SLC4A7: variants seen among roughly 807,000 people sequenced by gnomAD.
SLC4A7 encodes sodium bicarbonate cotransporter 3.
SLC4A7 carries 51 observed loss-of-function variants against 137.6 expected under a neutral mutation model. The ratio of observed to expected loss-of-function variants is 0.37; its 90% CI spans 0.30 to 0.47. SLC4A7 has a LOEUF of 0.47. Among genes scored for constraint, SLC4A7 ranks in the 20% least tolerant of loss-of-function variants. The probability of loss-of-function intolerance (pLI) is 1.00; values close to 1 mark genes in which losing one functional copy is unlikely to be tolerated. For missense variants in SLC4A7, 1,247 were observed against 1,525.4 expected (o/e 0.82, Z 3.04); for synonymous variants, 542 against 518.6 (o/e 1.05, Z -0.61).
intron 1 of SLC4A7, among the ~76,000 whole-genome samples, chr3:27,463,765 G>A (rs957786257): frequency 6.6e-6 from 1 of 152,124 alleles, no homozygotes; most frequent in Non-Finnish European, 1.5e-5. Flanking sequence ...TTCCGGGATA[G>A]TAACCTGGAA....
intron 9 of SLC4A7, 81 bp downstream of exon 9, chr3:27,421,541 A>G: frequency 9.5e-7 from 1 of 1,049,386 alleles, no homozygotes; most frequent in South Asian, 1.9e-5. Context: ...ACATAAATCA[A>G]CATGCTTGTT....
At chr3:27,430,026 G>A (rs1319139852) in intron 7 of SLC4A7, among the ~76,000 whole-genome samples, 7 of 151,788 alleles carry the variant, frequency 4.6e-5, no homozygotes, top group Non-Finnish European at 8.8e-5. Flanking sequence ...GACCAGCCTG[G>A]GCAACACAGC....
chr3:27,420,913 C>T, intron 9 of SLC4A7, 126 bp from the exon 10 acceptor site: 1 of 557,652 alleles, frequency 1.8e-6, no homozygotes. Context: ...TTCTACTCCC[C>T]CACACCAATC....
chr3:27,484,101 T>A lies in SLC4A7; in HGVS notation c.26A>T (p.Gln9Leu). 1 of 1,401,098 alleles carries A rather than the reference T, an allele frequency of 7.1e-7. No homozygotes were observed. The highest frequency in any genetic ancestry group is 9.3e-7 in the Non-Finnish European group (1 of 1,072,648). The allele number at this position is 1,401,098 out of a possible 1,614,324, so 86.8% of individuals were successfully genotyped here. A position where few individuals can be genotyped will look rare whatever the true frequency, so the allele number is the denominator to read the frequency against. ...TACCCGGGTGAGTAGCGGTCTCATCTGCTCGCCGGCCCCATCAGCCTCCAT... is the reference window on the plus strand; with the variant it reads ...TACCCGGGTGAGTAGCGGTCTCATCAGCTCGCCGGCCCCATCAGCCTCCAT... Reference protein sequence around the residue: MEADGAGEQMRPLLTRVTS... With the variant: MEADGAGELMRPLLTRVTS... The change falls in exon 1 of 26, where the codon CAG (glutamine) becomes CTG (leucine). Residue 9 changes from glutamine to leucine, a missense_variant. By Grantham distance (113) the Gln-to-Leu change is moderately radical. Around this residue, in one of 6 missense-constraint regions of SLC4A7, gnomAD observed 176 missense variants for 186.4 expected, o/e 0.94. Transcript: ENST00000454389.
At position 27,376,788 on chromosome 3, in the gene SLC4A7, G is replaced by T. The variant is rs1265791180; in HGVS notation, c.3756C>A (p.Tyr1252Ter). ...ISFEDEPRKK[Y>*]VDAETSL ...TCTATAATGAAGTTTCAGCATCCAC[G>T]TATTTCTTTCTTGGTTCATCTTCAA... Residue 1252 changes from tyrosine to a stop codon, truncating the protein, a stop_gained, in exon 26 of 26, where the codon TAC (tyrosine) becomes TAA (stop). Coordinates refer to ENST00000454389, the MANE Select transcript of SLC4A7 (RefSeq NM_001321103.2). LOFTEE classifies it high-confidence loss of function. 2 of 1,596,510 alleles carry T rather than the reference G, an allele frequency of 1.3e-6. No individual in the cohort carries two copies. Among genetic ancestry groups the T allele is most frequent in the Non-Finnish European group, 8.6e-7 (1 of 1,168,806 alleles).
At chr3:27,437,634 T>C (rs554447602) in intron 3 of SLC4A7, 108 bp from the exon 4 acceptor site, 10 of 526,894 alleles carry the variant, frequency 1.9e-5, no homozygotes, top group Middle Eastern at 5.1e-4. Flanking sequence ...TAAACAAATA[T>C]ATTTCATCAA....
rs993165011 is a variant in SLC4A7, at chr3:27,484,230, G to A, written c.-104C>T. The A allele has an allele frequency of 2.9e-4, 286 of 994,548 alleles. No homozygotes were observed. Among genetic ancestry groups the A allele is most frequent in the Admixed American group, 6.2e-4 (14 of 22,402 alleles). 61.6% of individuals were successfully genotyped at this position (994,548 alleles called of 1,614,324 possible). The stretch of plus-strand genomic sequence containing the variant: ...CGCCGCCGAGCCCCCGGCGCGCGAG[G>A]ACAAACGTGGGTGCGTCCGTGCGCG... On this transcript the variant is annotated 5_prime_UTR_variant, in exon 1 of 26. Transcript: ENST00000454389.
At chr3:27,469,962 T>C (rs2059167509) in intron 1 of SLC4A7, among the ~76,000 whole-genome samples, 1 of 152,164 alleles carries the variant, frequency 6.6e-6, no homozygotes, top group Non-Finnish European at 1.5e-5. Context: ...TCCTAAAAAA[T>C]AAATACTTGC....
At chr3:27,478,515 A>T (rs2059566727) in intron 1 of SLC4A7, among the ~76,000 whole-genome samples, 1 of 151,226 alleles carries the variant, frequency 6.6e-6, no homozygotes, top group Admixed American at 6.6e-5. Flanking sequence ...CTGCCTCAAA[A>T]AAAAAAAAAA....
intron 20 of SLC4A7, among the ~76,000 whole-genome samples, chr3:27,393,931 T>G (rs2051860889): frequency 6.6e-6 from 1 of 152,144 alleles, no homozygotes; most frequent in Admixed American, 6.5e-5. Context: ...CAAGACTCCT[T>G]TATACTCTTA....
chr3:27,376,998 A>C (rs937844493), intron 25 of SLC4A7, among the ~76,000 whole-genome samples, 153 bp from the exon 26 acceptor site: 1 of 152,170 alleles, frequency 6.6e-6, no homozygotes, highest in African/African-American at 2.4e-5. Flanking sequence ...ATCAATAAAC[A>C]TAACTGGAAA....
intron 1 of SLC4A7, 129 bp from the exon 2 acceptor site, chr3:27,452,627 C>G: frequency 2.1e-6 from 1 of 473,716 alleles, no homozygotes. Context: ...CTCATTACAG[C>G]TAATTGCATT....
In SLC4A7 at chr3:27,431,273, C is replaced by T. The variant is rs577938361; in HGVS notation, c.1150+25G>A. 8.4e-6 allele frequency: 13 copies of T among 1,546,864 alleles called. No homozygotes were observed. In the Admixed American group the frequency reaches 1.2e-4, roughly 14 times the overall value. ...AGTGACTCAGAGGCAGAAAGCACCA[C>T]ACATGGAGGATTTTGGATAGTTGCC... On this transcript the variant is annotated intron_variant, in intron 7 of 25. Coordinates refer to ENST00000454389, the MANE Select transcript of SLC4A7 (RefSeq NM_001321103.2).
chr3:27,388,072 C>T lies in SLC4A7; in HGVS notation c.3360+1859G>A, dbSNP rs185207865. On this transcript the variant is annotated intron_variant, in intron 22 of 25. Transcript: ENST00000454389. ...ATCAAGTTTTCTAACATCCAGCCAC[C>T]CTAACACAATTCTTATTAATTCTAT... is the stretch of plus-strand genomic sequence containing the variant. 3.2e-3 allele frequency among the ~76,000 whole-genome samples: 494 copies of T among 152,168 alleles called. 7 individuals carry two copies. Among genetic ancestry groups the T allele is most frequent in the Admixed American group, 0.027 (418 of 15,292 alleles).
chr3:27,478,406 T>C (rs2059558007), intron 1 of SLC4A7, among the ~76,000 whole-genome samples: 1 of 149,960 alleles, frequency 6.7e-6, no homozygotes, highest in South Asian at 2.1e-4. Flanking sequence ...TAATTCCATC[T>C]ACCTGGGAGG....
chr3:27,472,995 G>C (rs567258277), intron 1 of SLC4A7, among the ~76,000 whole-genome samples: 1 of 151,580 alleles, frequency 6.6e-6, no homozygotes. Flanking sequence ...CAGGGGAATC[G>C]TTTGAATCTG....
intron 1 of SLC4A7, among the ~76,000 whole-genome samples, chr3:27,473,397 G>A (rs577335024): frequency 6.6e-6 from 1 of 151,962 alleles, no homozygotes; most frequent in South Asian, 2.1e-4. Flanking sequence ...CTACTTTAAC[G>A]ACCCCTTTGA....
Position 27,383,313 on chromosome 3 carries a change from T to C in SLC4A7, c.3493-63A>G, listed in dbSNP as rs565257256. The C allele has an allele frequency of 2.3e-4, 263 of 1,144,902 alleles. 1 individual carries two copies. The African/African-American group carries it at 3.9e-3, about 17-fold the overall frequency. 70.9% of individuals were successfully genotyped at this position (1,144,902 alleles called of 1,614,324 possible). A position where few individuals can be genotyped will look rare whatever the true frequency, so the allele number is the denominator to read the frequency against. On this transcript the variant is annotated intron_variant, in intron 23 of 25. Transcript: ENST00000454389. ...AATATTTTCCAAGAGAATTGACTAA[T>C]TTATAACATTTTACAGACTTAGAAA...
intron 7 of SLC4A7, among the ~76,000 whole-genome samples, chr3:27,428,483 T>C (rs1415410289): frequency 6.6e-6 from 1 of 152,224 alleles, no homozygotes; most frequent in Non-Finnish European, 1.5e-5. Flanking sequence ...AAGCTTCTAT[T>C]TGTACTTCCA....
Sources: allele counts gnomAD v4.1 joint callset (sites outside exome capture counted in the v4.1 genomes callset), GRCh38; gene constraint gnomAD v4.1.1; regional missense constraint gnomAD v4.1.1; transcripts MANE v1.5; gene names NCBI Gene and HGNC (gene_info 2026-07-23, HGNC 2026-07-21).